SELENOV: variants seen among roughly 807,000 people sequenced by gnomAD.
SELENOV encodes selenoprotein V.
Under a neutral mutation model 21.6 loss-of-function variants are expected in SELENOV, and 25 were observed. That is an observed-to-expected ratio of 1.16 (90% CI 0.84 to 1.62). The LOEUF (loss-of-function observed/expected upper bound fraction) is 1.62. SELENOV is among the 40% of genes most tolerant of loss of function. The pLI is 0.00. For missense variants in SELENOV, 472 were observed against 459.0 expected (o/e 1.03, Z -0.26); for synonymous variants, 227 against 216.9 (o/e 1.05, Z -0.41).
chr19:39,515,113 C>T lies in SELENOV; in HGVS notation c.-100C>T, dbSNP rs1339465002. The T allele has an allele frequency of 2.7e-6, 2 of 752,032 alleles. No homozygotes were observed. Among genetic ancestry groups the T allele is most frequent in the East Asian group, 2.7e-5 (1 of 36,948 alleles). The allele number at this position is 752,032 out of a possible 1,614,324, so 46.6% of individuals were successfully genotyped here. ...GGTGTAACAGAGCCCCCAGTGGTCG[C>T]GCCGCGTCTCAGAACCCGGTGCGGG... On this transcript the variant is annotated 5_prime_UTR_variant, in exon 1 of 6. Coordinates refer to ENST00000335426, the Ensembl canonical transcript of SELENOV. This position sits in a 1 kb window ranked among gnomAD's most constrained non-coding sequence, Gnocchi z 5.1.
chr19:39,515,868 G>C lies in SELENOV; in HGVS notation c.656G>C (p.Gly219Ala). The change falls in exon 1 of 6, where the codon GGG (glycine) becomes GCG (alanine). Residue 219 changes from glycine (G) to alanine (A), a missense_variant. By Grantham distance (60) the Gly-to-Ala change is moderately conservative. Coordinates refer to ENST00000335426, the Ensembl canonical transcript of SELENOV. This position sits in a 1 kb window ranked among gnomAD's most constrained non-coding sequence, Gnocchi z 5.1. ...TTCAGGGCAGACCCGTCGGCCATCG[G>C]GCTGGCGGATCCCCCCATTCCCAGT... is the stretch of plus-strand genomic sequence containing the variant. 1 of 1,556,946 alleles carries C rather than the reference G, an allele frequency of 6.4e-7. No individual in the cohort carries two copies. Among genetic ancestry groups the C allele is most frequent in the Non-Finnish European group, 8.7e-7 (1 of 1,150,660 alleles).
chr19:39,517,948 GA>G, intron 1 of SELENOV, among the ~76,000 whole-genome samples: 1 of 85,712 alleles, frequency 1.2e-5, no homozygotes, highest in Non-Finnish European at 2.2e-5. Context: ...CTGGGCGACA[GA>G]GCAAGACTCT....
chr19:39,519,167 G>A, exon 5 of SELENOV: 1 of 1,610,540 alleles, frequency 6.2e-7, no homozygotes. Flanking sequence ...GGGTGGAGCT[G>A]GAGGTGAGCG....
rs1312778642 is a variant in SELENOV at position 39,518,888 on chromosome 19, A to G, written c.889-15A>G. 3.1e-6 allele frequency: 5 copies of G among 1,613,698 alleles called. No individual in the cohort carries two copies. In the African/African-American group the frequency reaches 5.3e-5, roughly 17 times the overall value. On this transcript the variant is annotated splice_polypyrimidine_tract_variant and intron_variant, in intron 3 of 5. Coordinates refer to ENST00000335426, the Ensembl canonical transcript of SELENOV. ...AGAGAGCTTAGCCTCCCCTACGCTCACCATTTCCTCCCAGGAGGAGGACAG... is the reference window on the plus strand; with the variant it reads ...AGAGAGCTTAGCCTCCCCTACGCTCGCCATTTCCTCCCAGGAGGAGGACAG...
At chr19:39,518,525 G>C in intron 1 of SELENOV, 83 bp from the exon 2 acceptor site, 1 of 1,346,698 alleles carries the variant, frequency 7.4e-7, no homozygotes. Context: ...GTGTTCATAG[G>C]GTGCCCTGAG....
At position 39,515,506 on chromosome 19, in the gene SELENOV, G is replaced by C. The variant is rs927046388; in HGVS notation, c.294G>C (p.Pro98=). 10 of 1,550,902 alleles carry C rather than the reference G, an allele frequency of 6.4e-6. No homozygotes were observed. In the East Asian group the frequency reaches 2.2e-4, roughly 34 times the overall value. ...CGGCCTGGATCCCTACTCCGGTGCC[G>C]ACTCCCGTTCCCGTCCGGAACCCAA... is the stretch of plus-strand genomic sequence containing the variant. Residue 98 remains proline (P), a synonymous_variant, in exon 1 of 6, where the codon CCG becomes CCC. Transcript: ENST00000335426. This position sits in a 1 kb window ranked among gnomAD's most constrained non-coding sequence, Gnocchi z 5.1.
At chr19:39,516,505 TC>T (rs2079697718) in intron 1 of SELENOV, among the ~76,000 whole-genome samples, 1 of 151,892 alleles carries the variant, frequency 6.6e-6, no homozygotes, top group Non-Finnish European at 1.5e-5. Flanking sequence ...TCTCTCTGTC[TC>T]CCCACCTCAC....
At chr19:39,517,939 T>C (rs1600764282) in intron 1 of SELENOV, among the ~76,000 whole-genome samples, 1 of 112,176 alleles carries the variant, frequency 8.9e-6, no homozygotes, top group South Asian at 3.1e-4. Context: ...CTCTCCAGCC[T>C]GGGCGACAGA....
Position 39,515,934 on chromosome 19 carries a change from T to A in SELENOV, c.722T>A (p.Ile241Asn). The A allele has an allele frequency of 6.2e-7, 1 of 1,606,774 alleles. No homozygotes were observed. Among genetic ancestry groups the A allele is most frequent in the Non-Finnish European group, 8.5e-7 (1 of 1,177,220 alleles). ...ATCCTGGGGACCATCCCGTCGGCCA[T>A]CTCCTTACAGAATTGTACGGAAACC... Residue 241 changes from isoleucine (I) to asparagine (N), a missense_variant, in exon 1 of 6, where the codon ATC (isoleucine) becomes AAC (asparagine). By Grantham distance (149) the Ile-to-Asn change is moderately radical. Coordinates refer to ENST00000335426, the Ensembl canonical transcript of SELENOV. This position sits in a 1 kb window ranked among gnomAD's most constrained non-coding sequence, Gnocchi z 5.1.
At position 39,515,952 on chromosome 19, in the gene SELENOV, C is replaced by T. The variant is rs773438958; in HGVS notation, c.740C>T (p.Thr247Met). The T allele has an allele frequency of 1.4e-5, 22 of 1,608,204 alleles. No homozygotes were observed. In the Admixed American group the frequency reaches 2.4e-4, roughly 17 times the overall value. ...TCGGCCATCTCCTTACAGAATTGTA[C>T]GGAAACCTTCCCCTCCTCCAGCGAG... The change falls in exon 1 of 6, where the codon ACG (threonine) becomes ATG (methionine). Residue 247 changes from threonine to methionine, a missense_variant. Physicochemically the swap from Thr to Met is moderately conservative, Grantham distance 81 (BLOSUM62 -1). Transcript: ENST00000335426. This position sits in a 1 kb window ranked among gnomAD's most constrained non-coding sequence, Gnocchi z 5.1.
intron 2 of SELENOV, 30 bp downstream of exon 2, chr19:39,518,662 G>A: frequency 1.2e-6 from 2 of 1,612,482 alleles, no homozygotes; most frequent in Non-Finnish European, 1.7e-6. Flanking sequence ...GAGGTAGGGG[G>A]AGCCTGAGGC....
rs1403116925 is a variant in SELENOV, at chr19:39,515,336, C to T, written c.124C>T (p.Pro42Ser). Residue 42 changes from proline (P) to serine (S), a missense_variant, in exon 1 of 6, where the codon CCC becomes TCC. Physicochemically the swap from Pro to Ser is moderately conservative, Grantham distance 74. Coordinates refer to ENST00000335426, the Ensembl canonical transcript of SELENOV. The surrounding 1 kb of genome is among the most constrained non-coding windows in gnomAD (Gnocchi z 5.1). Reference sequence around the variant, plus strand: ...CCCGACTCCGGTCCGGACTCGGACCCCCATCCGGACCCTGACTCCAGTCCT... The same window carrying T: ...CCCGACTCCGGTCCGGACTCGGACCTCCATCCGGACCCTGACTCCAGTCCT... 2 of 1,551,566 alleles carry T rather than the reference C, an allele frequency of 1.3e-6. No individual in the cohort carries two copies. The highest frequency in any genetic ancestry group is 2.4e-5 in the South Asian group (2 of 84,064).
chr19:39,519,177 G>C lies in SELENOV; in HGVS notation c.*22+7G>C, dbSNP rs115462534. 3 of 1,601,862 alleles carry C rather than the reference G, an allele frequency of 1.9e-6. No homozygotes were observed. The highest frequency in any genetic ancestry group is 1.3e-5 in the African/African-American group (1 of 74,728). On this transcript the variant is annotated splice_region_variant and intron_variant, in intron 5 of 5. Coordinates refer to ENST00000335426, the Ensembl canonical transcript of SELENOV. ...GCAAGGGGTGGAGCTGGAGGTGAGC[G>C]TGGAGCTCCCAAGGCTGCGGTGGGA...
At chr19:39,519,026 T>C (rs766291964) in intron 4 of SELENOV, 45 bp from the exon 5 acceptor site, 23 of 1,612,458 alleles carry the variant, frequency 1.4e-5, no homozygotes, top group Non-Finnish European at 2.0e-5. Context: ...GGTGCTGAGG[T>C]CCTGGGGGTG....
intron 5 of SELENOV, among the ~76,000 whole-genome samples, 182 bp from the exon 6 acceptor site, chr19:39,519,964 C>CAA (rs5828040): frequency 1.6e-3 from 121 of 76,758 alleles, no homozygotes; most frequent in Non-Finnish European, 1.9e-3. Context: ...GACTCTGTCT[C>CAA]AAAAAAAAAA....
At position 39,518,889 on chromosome 19, in the gene SELENOV, C is replaced by T; in HGVS notation, c.889-14C>T. 1.9e-6 allele frequency: 3 copies of T among 1,613,816 alleles called. No homozygotes were observed. Among genetic ancestry groups the T allele is most frequent in the Non-Finnish European group, 2.5e-6 (3 of 1,179,802 alleles). ...GAGAGCTTAGCCTCCCCTACGCTCA[C>T]CATTTCCTCCCAGGAGGAGGACAGA... On this transcript the variant is annotated splice_polypyrimidine_tract_variant and intron_variant, in intron 3 of 5. Coordinates refer to ENST00000335426, the Ensembl canonical transcript of SELENOV.
intron 1 of SELENOV, among the ~76,000 whole-genome samples, chr19:39,518,037 C>A (rs1335708642): frequency 7.0e-6 from 1 of 143,408 alleles, no homozygotes; most frequent in African/African-American, 2.6e-5. Flanking sequence ...CTTTGGGAGG[C>A]CGAGGTGGGT....
chr19:39,519,171 G>A lies in SELENOV; in HGVS notation c.*22+1G>A. On this transcript the variant is annotated splice_donor_variant, in intron 5 of 5. Transcript: ENST00000335426. LOFTEE classifies it low-confidence loss of function (3UTR_SPLICE). ...TAGCCGGCAAGGGGTGGAGCTGGAG[G>A]TGAGCGTGGAGCTCCCAAGGCTGCG... 6.2e-7 allele frequency: 1 copy of A among 1,610,082 alleles called. No individual in the cohort carries two copies. Among genetic ancestry groups the A allele is most frequent in the Non-Finnish European group, 8.5e-7 (1 of 1,177,190 alleles).
intron 1 of SELENOV, among the ~76,000 whole-genome samples, chr19:39,517,223 T>C (rs1229657403): frequency 6.6e-6 from 1 of 152,126 alleles, no homozygotes; most frequent in Non-Finnish European, 1.5e-5. Context: ...CCCTCACCTC[T>C]GGCCTCTTTC....
Sources: allele counts gnomAD v4.1 joint callset (sites outside exome capture counted in the v4.1 genomes callset), GRCh38; gene constraint gnomAD v4.1.1; non-coding constraint Gnocchi (gnomAD v3.1); transcripts MANE v1.5; gene names NCBI Gene and HGNC (gene_info 2026-07-23, HGNC 2026-07-21).